The following DCLK2 variants were observed in gnomAD, a reference collection of about 807,000 sequenced individuals.
DCLK2 encodes the protein doublecortin like kinase 2.
Under a neutral mutation model 78.4 loss-of-function variants are expected in DCLK2, and 31 were observed. That is an observed-to-expected ratio of 0.40 (90% CI 0.30 to 0.53). DCLK2 has a LOEUF of 0.53. Ranked by LOEUF, DCLK2 falls within the 20% of genes least tolerant of loss-of-function variation. DCLK2 has a pLI of 0.61. For synonymous variants in DCLK2, 407 were observed against 374.9 expected (o/e 1.09, Z -0.99); for missense variants, 872 against 973.7 (o/e 0.90, Z 1.39).
intron 2 of DCLK2, among the ~76,000 whole-genome samples, chr4:150,138,594 C>T: frequency 6.6e-6 from 1 of 152,194 alleles, no homozygotes; most frequent in East Asian, 1.9e-4. Flanking sequence ...AGGCCAGGCA[C>T]TGTGCCAAGT....
intron 7 of DCLK2, among the ~76,000 whole-genome samples, chr4:150,223,388 C>T (rs1674740122): frequency 1.3e-5 from 2 of 152,144 alleles, no homozygotes. Context: ...TTATTGAATG[C>T]TTTTTCTATA....
At position 150,224,530 on chromosome 4, in the gene DCLK2, T is replaced by C; in HGVS notation, c.1271T>C (p.Ile424Thr). The C allele has an allele frequency of 6.2e-7, 1 of 1,612,796 alleles. No homozygotes were observed. The highest frequency in any genetic ancestry group is 2.2e-5 in the East Asian group (1 of 44,816). ...ACTGGAAAGGAGTTTGCCCTAAAGATTATAGACAAAGCCAAATGTTGTGGA... is the reference window on the plus strand; with the variant it reads ...ACTGGAAAGGAGTTTGCCCTAAAGACTATAGACAAAGCCAAATGTTGTGGA... ...RSTGKEFALKIIDKAKCCGKE... is the reference protein window; with the variant it reads ...RSTGKEFALKTIDKAKCCGKE... Residue 424 changes from isoleucine (I) to threonine (T), a missense_variant, in exon 8 of 16, where the codon ATT becomes ACT. Coordinates refer to ENST00000296550, the MANE Select transcript of DCLK2 (RefSeq NM_001040260.4).
intron 2 of DCLK2, among the ~76,000 whole-genome samples, chr4:150,121,727 A>C (rs936977459): frequency 9.9e-5 from 15 of 152,210 alleles, no homozygotes; most frequent in African/African-American, 1.2e-4. Context: ...CATCAGAAGA[A>C]TCGCTACGGC....
At chr4:150,216,731 G>A (rs752991237) in intron 5 of DCLK2, among the ~76,000 whole-genome samples, 8 of 152,136 alleles carry the variant, frequency 5.3e-5, no homozygotes, top group Non-Finnish European at 7.3e-5. Context: ...GAGAAGTGAC[G>A]AGGTGGTGCA....
At chr4:150,247,738 G>T in intron 13 of DCLK2, 39 bp downstream of exon 13, 2 of 1,555,832 alleles carry the variant, frequency 1.3e-6, no homozygotes, top group Non-Finnish European at 1.8e-6. Flanking sequence ...GTATTACGTT[G>T]TGGGGTCCTC....
rs1402455441 is a variant in DCLK2 at position 150,079,016 on chromosome 4, G to A, written c.-12G>A. 1 of 1,518,148 alleles carries A rather than the reference G, an allele frequency of 6.6e-7. No homozygotes were observed. The highest frequency in any genetic ancestry group is 8.8e-7 in the Non-Finnish European group (1 of 1,137,242). 94.0% of individuals were successfully genotyped at this position (1,518,148 alleles called of 1,614,324 possible). ...GGAACGTCTTTTTGCGGACGCCCTCGGAGCAGCCGCGATGGCCAGCACCAG... is the reference window on the plus strand; with the variant it reads ...GGAACGTCTTTTTGCGGACGCCCTCAGAGCAGCCGCGATGGCCAGCACCAG... On this transcript the variant is annotated 5_prime_UTR_variant, in exon 1 of 16. Coordinates refer to ENST00000296550, the MANE Select transcript of DCLK2 (RefSeq NM_001040260.4).
chr4:150,156,741 T>TTTTATTTA lies in DCLK2; in HGVS notation c.757-36353_757-36346dup, dbSNP rs150434713. On this transcript the variant is annotated intron_variant, in intron 2 of 15. Transcript: ENST00000296550. ...GTATATAGGTTTTAGGGAGTAACTA[T>TTTTATTTA]TTTATTTATTTATTTATTTATTTAT... is the stretch of plus-strand genomic sequence containing the variant. Among the ~76,000 whole-genome samples, 854 of 139,418 alleles carry TTTTATTTA rather than the reference T, an allele frequency of 6.1e-3. 3 individuals are homozygous for TTTTATTTA. Among genetic ancestry groups the TTTTATTTA allele is most frequent in the East Asian group, 0.037 (175 of 4,678 alleles). 91.5% of individuals were successfully genotyped at this position (139,418 alleles called of 152,430 possible).
chr4:150,247,236 A>G (rs927484055), intron 12 of DCLK2, among the ~76,000 whole-genome samples: 1 of 152,120 alleles, frequency 6.6e-6, no homozygotes, highest in African/African-American at 2.4e-5. Flanking sequence ...AAAATTGATC[A>G]TTCTCACCAT....
rs1730954340 is a variant in DCLK2 at position 150,102,483 on chromosome 4, A to C, written c.427A>C (p.Ser143Arg). ...TSLDELLEGESYVCASNEPFR... is the reference protein window; with the variant it reads ...TSLDELLEGERYVCASNEPFR... ...AATCAAATTTTGCTTTTTAGGTGAG[A>C]GTTACGTGTGTGCATCCAATGAACC... The change falls in exon 2 of 16, where the codon AGT (serine) becomes CGT (arginine). Residue 143 changes from serine to arginine, a missense_variant. By Grantham distance (110) the Ser-to-Arg change is moderately radical (BLOSUM62 -1). Coordinates refer to ENST00000296550, the MANE Select transcript of DCLK2 (RefSeq NM_001040260.4). 1 of 1,612,198 alleles carries C rather than the reference A, an allele frequency of 6.2e-7. No individual in the cohort carries two copies. The highest frequency in any genetic ancestry group is 1.3e-5 in the African/African-American group (1 of 74,978).
intron 15 of DCLK2, chr4:150,253,514 T>C (rs1744337394): frequency 7.8e-7 from 1 of 1,289,548 alleles, no homozygotes; most frequent in Non-Finnish European, 1.0e-6. Context: ...AGTTTCCTTC[T>C]TTACCCCGCT....
At chr4:150,204,691 A>G (rs1739714481) in intron 5 of DCLK2, among the ~76,000 whole-genome samples, 2 of 152,290 alleles carry the variant, frequency 1.3e-5, no homozygotes, top group Admixed American at 1.3e-4. Context: ...CAGGAGTTCA[A>G]GACAAGCCTG....
At chr4:150,100,546 C>T (rs1730815708) in intron 1 of DCLK2, among the ~76,000 whole-genome samples, 1 of 152,106 alleles carries the variant, frequency 6.6e-6, no homozygotes, top group South Asian at 2.1e-4. Context: ...AAAAAAATTA[C>T]CTTCTTTTGC....
At chr4:150,221,856 TAC>T in intron 7 of DCLK2, 71 bp downstream of exon 7, 1 of 1,019,820 alleles carries the variant, frequency 9.8e-7, no homozygotes, top group Non-Finnish European at 1.4e-6. Flanking sequence ...CATCTACAGA[TAC>T]AGTTTTCCTT....
chr4:150,164,205 A>G (rs1735904301), intron 2 of DCLK2, among the ~76,000 whole-genome samples: 7 of 152,196 alleles, frequency 4.6e-5, no homozygotes, highest in Admixed American at 3.9e-4. Flanking sequence ...CCCAGCTGCT[A>G]ATTAGGATGA....
Position 150,090,544 on chromosome 4 carries a change from A to G in DCLK2, c.421+11096A>G, listed in dbSNP as rs530623482. Among the ~76,000 whole-genome samples the G allele has an allele frequency of 5.4e-5, 6 of 110,888 alleles. No homozygotes were observed. The South Asian group carries it at 1.3e-3, about 25-fold the overall frequency. The allele number at this position is 110,888 out of a possible 152,430, so 72.7% of individuals were successfully genotyped here. ...GCAAAAAAACCAGATCACAGATCTG[A>G]TCTGCTGGTTCCATCCTACCCAGGA... is the stretch of plus-strand genomic sequence containing the variant. On this transcript the variant is annotated intron_variant, in intron 1 of 15. Coordinates refer to ENST00000296550, the MANE Select transcript of DCLK2 (RefSeq NM_001040260.4).
chr4:150,185,944 A>G (rs930030210), intron 2 of DCLK2, among the ~76,000 whole-genome samples: 12 of 152,100 alleles, frequency 7.9e-5, no homozygotes, highest in African/African-American at 2.9e-4. Flanking sequence ...GAAAACTTAG[A>G]TGGACTCCTG....
At chr4:150,186,479 A>G (rs945306562) in intron 2 of DCLK2, among the ~76,000 whole-genome samples, 1 of 152,084 alleles carries the variant, frequency 6.6e-6, no homozygotes, top group East Asian at 1.9e-4. Context: ...TATAACATTC[A>G]CCCTATTGTA....
Position 150,256,640 on chromosome 4 carries a change from T to C in DCLK2, c.*393T>C, listed in dbSNP as rs1386751494. 5.4e-6 allele frequency: 1 copy of C among 186,720 alleles called. No individual in the cohort carries two copies. Among genetic ancestry groups the C allele is most frequent in the East Asian group, 1.5e-4 (1 of 6,800 alleles). 11.6% of individuals were successfully genotyped at this position (186,720 alleles called of 1,614,324 possible). ...TGGATGAACCAAGGCCTTTTCCTTA[T>C]TTAAGTAGACTCAGAACACTCCCTT... On this transcript the variant is annotated 3_prime_UTR_variant, in exon 16 of 16. Transcript: ENST00000296550.
Position 150,220,071 on chromosome 4 carries a change from G to A in DCLK2, c.1057-632G>A, listed in dbSNP as rs148950230. 2.5e-3 allele frequency among the ~76,000 whole-genome samples: 382 copies of A among 152,304 alleles called. 1 individual carries two copies. The highest frequency in any genetic ancestry group is 6.8e-3 in the Middle Eastern group (2 of 294). ...TGAAGCCGGAGAAGGACTTGGACCA[G>A]GGTGGTGGCCGTGGGTGGGGAATGG... On this transcript the variant is annotated intron_variant, in intron 5 of 15. Coordinates refer to ENST00000296550, the MANE Select transcript of DCLK2 (RefSeq NM_001040260.4).
Sources: allele counts gnomAD v4.1 joint callset (sites outside exome capture counted in the v4.1 genomes callset), GRCh38; gene constraint gnomAD v4.1.1; transcripts MANE v1.5; gene names NCBI Gene and HGNC (gene_info 2026-07-23, HGNC 2026-07-21).